The following DOCK3 variants were observed in gnomAD, a reference collection of about 807,000 sequenced individuals.
DOCK3 encodes dedicator of cytokinesis 3.
In DOCK3, 60 loss-of-function variants were observed where a neutral mutation model predicts 265.6. The ratio of observed to expected loss-of-function variants is 0.23; its 90% confidence interval spans 0.18 to 0.28. The LOEUF is 0.28. Among genes scored for constraint, DOCK3 ranks in the 10% least tolerant of loss-of-function variants. The probability of loss-of-function intolerance (pLI) is 1.00; values close to 1 mark genes in which losing one functional copy is unlikely to be tolerated. For missense variants in DOCK3, 1,981 were observed against 2,594.3 expected, an observed-to-expected ratio of 0.76 and a Z score of 5.14; for synonymous variants, 881 against 938.0, an observed-to-expected ratio of 0.94 and a Z score of 1.11.
chr3:51,339,063 T>C (rs1264811078), intron 37 of DOCK3, 35 bp downstream of exon 37: 1 of 1,511,096 alleles, frequency 6.6e-7, no homozygotes, highest in East Asian at 2.3e-5. Context: ...TGCCTGACCA[T>C]GAGGACAAAC....
At chr3:50,916,243 C>T (rs565388497) in intron 4 of DOCK3, among the ~76,000 whole-genome samples, 6 of 152,056 alleles carry the variant, frequency 3.9e-5, no homozygotes, top group Non-Finnish European at 8.8e-5. Context: ...AATGTGTGTT[C>T]CTGGGATCCT....
intron 9 of DOCK3, among the ~76,000 whole-genome samples, chr3:51,129,575 A>G (rs79047907): frequency 0.025 from 3,760 of 152,266 alleles, 179 homozygotes; most frequent in African/African-American, 0.086. Flanking sequence ...ATGGGTCAGA[A>G]AGCACCCAGC....
chr3:50,753,544 G>A (rs1559594712), intron 1 of DOCK3, among the ~76,000 whole-genome samples: 2 of 152,048 alleles, frequency 1.3e-5, no homozygotes, highest in Non-Finnish European at 2.9e-5. Flanking sequence ...TTTACTTTTT[G>A]TAGAGACAGG....
At chr3:50,948,686 T>G (rs1336362593) in intron 5 of DOCK3, among the ~76,000 whole-genome samples, 1 of 151,892 alleles carries the variant, frequency 6.6e-6, no homozygotes, top group Non-Finnish European at 1.5e-5. Context: ...ACTATGTTGC[T>G]CAGGCTAGTC....
intron 27 of DOCK3, among the ~76,000 whole-genome samples, chr3:51,308,831 G>A (rs1235209891): frequency 7.0e-6 from 1 of 142,260 alleles, no homozygotes; most frequent in Non-Finnish European, 1.6e-5. Flanking sequence ...CTCAGACGGG[G>A]CGGCTGCCGG....
Position 51,096,801 on chromosome 3 carries a change from T to G in DOCK3, c.746+6417T>G, listed in dbSNP as rs543685465. Among the ~76,000 whole-genome samples the G allele has an allele frequency of 4.6e-5, 7 of 152,354 alleles. No homozygotes were observed. The South Asian group carries it at 1.4e-3, about 32-fold the overall frequency. On this transcript the variant is annotated intron_variant, in intron 9 of 52. Coordinates refer to ENST00000266037, the MANE Select transcript of DOCK3 (RefSeq NM_004947.5). Reference sequence around the variant, plus strand: ...ATTTATCTACCTTTGATCTTTGATGTTGGTGACCTCCGGATAGGGTTTCTG... The same window carrying G: ...ATTTATCTACCTTTGATCTTTGATGGTGGTGACCTCCGGATAGGGTTTCTG...
chr3:50,830,262 A>G (rs1023937231), intron 2 of DOCK3, among the ~76,000 whole-genome samples: 5 of 152,134 alleles, frequency 3.3e-5, no homozygotes, highest in African/African-American at 4.8e-5. Context: ...TTGAATTTAC[A>G]ATTGGTTGCT....
At chr3:51,231,193 A>T (rs924228306) in intron 19 of DOCK3, among the ~76,000 whole-genome samples, 8 of 121,660 alleles carry the variant, frequency 6.6e-5, no homozygotes, top group Non-Finnish European at 1.1e-4. Flanking sequence ...CAGTGGCATG[A>T]TCTTGGCTCA....
At chr3:50,969,273 T>A (rs1359507162) in intron 5 of DOCK3, among the ~76,000 whole-genome samples, 1 of 152,210 alleles carries the variant, frequency 6.6e-6, no homozygotes, top group Non-Finnish European at 1.5e-5. Context: ...AAGTCTTTTT[T>A]ATCTAATATA....
intron 23 of DOCK3, among the ~76,000 whole-genome samples, chr3:51,266,808 A>G (rs1249397390): frequency 2.0e-5 from 3 of 152,240 alleles, no homozygotes; most frequent in African/African-American, 7.2e-5. Context: ...AGTGGCATCA[A>G]AAGCCAAAAT....
chr3:50,933,067 C>A (rs559361892), intron 4 of DOCK3, among the ~76,000 whole-genome samples: 4 of 152,130 alleles, frequency 2.6e-5, no homozygotes, highest in Admixed American at 2.0e-4. Context: ...AAAAAGCCAT[C>A]AGATCTTGTG....
At chr3:51,094,259 T>C (rs2109619696) in intron 9 of DOCK3, among the ~76,000 whole-genome samples, 1 of 152,346 alleles carries the variant, frequency 6.6e-6, no homozygotes, top group African/African-American at 2.4e-5. Context: ...AGCTCCTCTT[T>C]GTGTCTGTGG....
At chr3:51,121,936 G>T (rs2084035583) in intron 9 of DOCK3, among the ~76,000 whole-genome samples, 3 of 152,138 alleles carry the variant, frequency 2.0e-5, no homozygotes. Context: ...CATATCACAG[G>T]ATTAGCATGA....
At chr3:51,244,773 G>A (rs2078751880) in intron 21 of DOCK3, among the ~76,000 whole-genome samples, 1 of 152,152 alleles carries the variant, frequency 6.6e-6, no homozygotes, top group Non-Finnish European at 1.5e-5. Flanking sequence ...TAGAGGAAAT[G>A]CTTTCAGTCT....
intron 1 of DOCK3, among the ~76,000 whole-genome samples, chr3:50,696,810 G>T (rs2035652304): frequency 6.6e-6 from 1 of 152,038 alleles, no homozygotes; most frequent in Non-Finnish European, 1.5e-5. Flanking sequence ...CTTGTCTTTG[G>T]ACTCAGGTTA....
intron 12 of DOCK3, among the ~76,000 whole-genome samples, chr3:51,168,221 C>A: frequency 6.6e-6 from 1 of 152,220 alleles, no homozygotes; most frequent in East Asian, 1.9e-4. Context: ...TGACATTCTT[C>A]ACAGAACTAG....
intron 5 of DOCK3, among the ~76,000 whole-genome samples, chr3:50,968,048 T>G (rs547310570): frequency 1.3e-4 from 20 of 152,194 alleles, no homozygotes; most frequent in African/African-American, 4.8e-4. Flanking sequence ...AATTTTTTTA[T>G]ATTAACCATT....
At chr3:51,337,563 A>G (rs1454524876) in intron 35 of DOCK3, among the ~76,000 whole-genome samples, 1 of 152,164 alleles carries the variant, frequency 6.6e-6, no homozygotes, top group African/African-American at 2.4e-5. Context: ...AAGGAGACAC[A>G]TCAGGCAGAT....
intron 12 of DOCK3, among the ~76,000 whole-genome samples, chr3:51,193,801 C>CT (rs36051516): frequency 0.89 from 112,512 of 126,684 alleles, 50,020 homozygotes; most frequent in African/African-American, 0.91. Flanking sequence ...GGGCTTCTCT[C>CT]TTTTTTTTTT....
Sources: gnomAD v4.1 joint callset for allele counts (sites outside exome capture counted in the v4.1 genomes callset) on GRCh38, gnomAD v4.1.1 for gene constraint, MANE v1.5 for transcripts, NCBI Gene and HGNC (gene_info 2026-07-23, HGNC 2026-07-21) for gene names.